The following SMARCB1 variants were observed in gnomAD, a reference collection of about 807,000 sequenced individuals.
The protein encoded by SMARCB1 is SWI/SNF-related matrix-associated actin-dependent regulator of chromatin subfamily B member 1.
SMARCB1 carries 5 observed loss-of-function variants against 49.0 expected under a neutral mutation model. The ratio of observed to expected loss-of-function variants is 0.10; its 90% confidence interval spans 0.05 to 0.21. The LOEUF (loss-of-function observed/expected upper bound fraction) is 0.21. Ranked by LOEUF, SMARCB1 falls within the 10% of genes least tolerant of loss-of-function variation. The probability of loss-of-function intolerance (pLI) is 1.00; values close to 1 mark genes in which losing one functional copy is unlikely to be tolerated. For synonymous variants in SMARCB1, 201 were observed against 200.1 expected, an observed-to-expected ratio of 1.00 and a Z score of -0.04; for missense variants, 226 against 509.2, an observed-to-expected ratio of 0.44 and a Z score of 5.35.
At chr22:23,808,728 C>T (rs1272456599) in intron 5 of SMARCB1, among the ~76,000 whole-genome samples, 17 of 149,792 alleles carry the variant, frequency 1.1e-4, no homozygotes, top group East Asian at 2.0e-4. Flanking sequence ...ACGGAGTTTC[C>T]GCTCTTGTTG....
chr22:23,803,427 A>C lies in SMARCB1; in HGVS notation c.628+5A>C, dbSNP rs1298640170. The C allele has an allele frequency of 6.2e-7, 1 of 1,614,066 alleles. No individual in the cohort carries two copies. Among genetic ancestry groups the C allele is most frequent in the Non-Finnish European group, 8.5e-7 (1 of 1,180,026 alleles). The stretch of plus-strand genomic sequence containing the variant: ...CCTTCACCTGGAACATGAATGGTAC[A>C]AGGCAGTCGGGCTTGGCTGGGCCTG... On this transcript the variant is annotated splice_donor_5th_base_variant and intron_variant, in intron 5 of 8. Coordinates refer to ENST00000644036, the MANE Select transcript of SMARCB1 (RefSeq NM_003073.5).
chr22:23,799,777 C>G (rs142851192), intron 3 of SMARCB1, among the ~76,000 whole-genome samples: 1 of 147,408 alleles, frequency 6.8e-6, no homozygotes, highest in Non-Finnish European at 1.5e-5. Flanking sequence ...CTCTGCCTCC[C>G]GGGTTCACGC....
At chr22:23,819,117 G>T (rs750154648) in intron 6 of SMARCB1, among the ~76,000 whole-genome samples, 8 of 152,208 alleles carry the variant, frequency 5.3e-5, no homozygotes, top group Non-Finnish European at 8.8e-5. Flanking sequence ...CTCCCAAAGT[G>T]CTGGGATTAC....
chr22:23,792,602 C>T (rs34513023), intron 2 of SMARCB1: 6,646 of 165,288 alleles, frequency 0.04, 208 homozygotes, highest in Non-Finnish European at 0.058. Context: ...CTGCCCTGGG[C>T]CTGGGTGTGT....
chr22:23,824,911 G>A (rs11704097), intron 6 of SMARCB1: 61,034 of 474,812 alleles, frequency 0.13, 4,653 homozygotes, highest in South Asian at 0.26. Context: ...AGGGCAGAAA[G>A]GAAGGTCCCC....
At position 23,803,397 on chromosome 22, in the gene SMARCB1, A is replaced by G; in HGVS notation, c.603A>G (p.Arg201=). The G allele has an allele frequency of 1.2e-6, 2 of 1,614,164 alleles. No individual in the cohort carries two copies. The highest frequency in any genetic ancestry group is 1.7e-6 in the Non-Finnish European group (2 of 1,180,042). The change falls in exon 5 of 9, where the codon CGA becomes CGG. Residue 201 remains arginine, a synonymous_variant. Coordinates refer to ENST00000644036, the MANE Select transcript of SMARCB1 (RefSeq NM_003073.5). ...LDMEIDGQKL[R]DAFTWNMNEK... The stretch of plus-strand genomic sequence containing the variant: ...TGGAGATCGATGGGCAGAAGCTGCG[A>G]GACGCCTTCACCTGGAACATGAATG...
At chr22:23,796,134 T>G (rs1184405050) in intron 3 of SMARCB1, among the ~76,000 whole-genome samples, 1 of 152,122 alleles carries the variant, frequency 6.6e-6, no homozygotes, top group African/African-American at 2.4e-5. Context: ...TCAAACTTTT[T>G]TGTTCTCTGG....
At chr22:23,822,669 C>T (rs915105479) in intron 6 of SMARCB1, among the ~76,000 whole-genome samples, 1 of 152,200 alleles carries the variant, frequency 6.6e-6, no homozygotes, top group African/African-American at 2.4e-5. Context: ...TCCCTTTTCC[C>T]CTCACTGGGC....
chr22:23,815,412 T>A (rs1367997997), intron 5 of SMARCB1: 1 of 152,194 alleles, frequency 6.6e-6, no homozygotes, highest in East Asian at 1.9e-4. Context: ...TGGCTGCTTG[T>A]AGTCCCAGCT....
In SMARCB1 at chr22:23,834,956, G is replaced by T; in HGVS notation, c.*776G>T. The T allele has an allele frequency of 6.4e-7, 1 of 1,568,556 alleles. No homozygotes were observed. Among genetic ancestry groups the T allele is most frequent in the African/African-American group, 1.4e-5 (1 of 73,612 alleles). Reference sequence around the variant, plus strand: ...CCCTGCGGAGGGCCCAGTCCTGTGTGGGCACTGCTGGGCTGTCGCCAGCCT... The same window carrying T: ...CCCTGCGGAGGGCCCAGTCCTGTGTTGGCACTGCTGGGCTGTCGCCAGCCT... On this transcript the variant is annotated 3_prime_UTR_variant, in exon 9 of 9. Transcript: ENST00000644036.
intron 6 of SMARCB1, among the ~76,000 whole-genome samples, chr22:23,820,483 A>G (rs1487177401): frequency 2.6e-5 from 4 of 152,166 alleles, no homozygotes; most frequent in Admixed American, 6.5e-5. Flanking sequence ...CTGAGGCAAG[A>G]GAATTGCTTG....
chr22:23,795,524 G>A (rs1693436282), intron 3 of SMARCB1, among the ~76,000 whole-genome samples: 1 of 151,782 alleles, frequency 6.6e-6, no homozygotes, highest in South Asian at 2.1e-4. Context: ...GCATGGTGGT[G>A]CATGCCTGTA....
Position 23,834,871 on chromosome 22 carries a change from G to A in SMARCB1, c.*691G>A. The A allele has an allele frequency of 6.2e-7, 1 of 1,612,610 alleles. No individual in the cohort carries two copies. On this transcript the variant is annotated 3_prime_UTR_variant, in exon 9 of 9. Coordinates refer to ENST00000644036, the MANE Select transcript of SMARCB1 (RefSeq NM_003073.5). Reference sequence around the variant, plus strand: ...TCTCCTGCCGTCCCTGGGCCGCCCTGGCTCTGCTGTGTCCAGATGGTCAGG... The same window carrying A: ...TCTCCTGCCGTCCCTGGGCCGCCCTAGCTCTGCTGTGTCCAGATGGTCAGG...
chr22:23,829,564 T>A (rs1160238265), intron 7 of SMARCB1, among the ~76,000 whole-genome samples: 1 of 152,246 alleles, frequency 6.6e-6, no homozygotes, highest in East Asian at 1.9e-4. Context: ...TAGGCTGGGG[T>A]ATGTCAGGTA....
chr22:23,798,079 G>T (rs1247604341), intron 3 of SMARCB1, among the ~76,000 whole-genome samples: 2 of 151,092 alleles, frequency 1.3e-5, no homozygotes, highest in African/African-American at 4.8e-5. Context: ...TGAGGGGGCA[G>T]GGGCTCAGCC....
chr22:23,824,971 G>C (rs1409862784), intron 6 of SMARCB1: 12 of 569,640 alleles, frequency 2.1e-5, no homozygotes, highest in Non-Finnish European at 3.8e-5. Context: ...TGGGACTCAG[G>C]TGCCCCCGGG....
chr22:23,835,582 CAA>C lies in SMARCB1; in HGVS notation c.*1404_*1405del, dbSNP rs1157117584. On this transcript the variant is annotated 3_prime_UTR_variant, in exon 9 of 9. Coordinates refer to ENST00000644036, the MANE Select transcript of SMARCB1 (RefSeq NM_003073.5). ...TGCACTCAGGGCCTCTGCCCTCCAT[CAA>C]AGAGTGGAACTCCCCAGAGCCCCAT... The C allele has an allele frequency of 1.5e-5, 15 of 985,392 alleles. No individual in the cohort carries two copies. The African/African-American group carries it at 2.6e-4, about 17-fold the overall frequency. 61.0% of individuals were successfully genotyped at this position (985,392 alleles called of 1,614,324 possible). A position where few individuals can be genotyped will look rare whatever the true frequency, so the allele number is the denominator to read the frequency against.
At chr22:23,787,829 C>G (rs1423612463) in intron 1 of SMARCB1, among the ~76,000 whole-genome samples, 3 of 152,210 alleles carry the variant, frequency 2.0e-5, no homozygotes, top group Non-Finnish European at 4.4e-5. Flanking sequence ...GAATAAGGGC[C>G]CCATGCCTAA....
Position 23,834,809 on chromosome 22 carries a change from T to C in SMARCB1, c.*629T>C, listed in dbSNP as rs552692644. ...TGCCTTTCAGGAACAGCCCTAACCC[T>C]GCTCCCCTTGCTTGGCCTCAGGAAG... is the stretch of plus-strand genomic sequence containing the variant. On this transcript the variant is annotated 3_prime_UTR_variant, in exon 9 of 9. Coordinates refer to ENST00000644036, the MANE Select transcript of SMARCB1 (RefSeq NM_003073.5). The C allele has an allele frequency of 1.7e-5, 27 of 1,606,472 alleles. No homozygotes were observed. In the East Asian group the frequency reaches 5.8e-4, roughly 34 times the overall value.
Sources: gnomAD v4.1 joint callset for allele counts (sites outside exome capture counted in the v4.1 genomes callset) on GRCh38, gnomAD v4.1.1 for gene constraint, MANE v1.5 for transcripts, NCBI Gene and HGNC (gene_info 2026-07-23, HGNC 2026-07-21) for gene names.